Variants in COL18A1 observed in about 807,000 individuals in gnomAD.
COL18A1 encodes collagen type XVIII alpha 1 chain.
Under a neutral mutation model 168.0 loss-of-function variants are expected in COL18A1, and 133 were observed. The observed-to-expected ratio is 0.79, with a 90% CI of 0.69 to 0.91. The LOEUF (loss-of-function observed/expected upper bound fraction) is 0.91. COL18A1 is among the 40% of genes least tolerant of loss of function. The pLI is 0.00. For missense variants in COL18A1, 2,126 were observed against 1,925.4 expected, an observed-to-expected ratio of 1.10 and a Z score of -1.95; for synonymous variants, 949 against 809.0, an observed-to-expected ratio of 1.17 and a Z score of -2.94.
At chr21:45,510,006 G>A (rs901392802) in intron 39 of COL18A1, 58 bp from the exon 40 acceptor site, 7 of 1,523,212 alleles carry the variant, frequency 4.6e-6, no homozygotes, top group Non-Finnish European at 6.2e-6. Context: ...GTGCGCCCGG[G>A]GCCTGGGTGC....
At chr21:45,491,000 C>G in intron 21 of COL18A1, 129 bp downstream of exon 21, 9 of 979,736 alleles carry the variant, frequency 9.2e-6, no homozygotes, top group South Asian at 1.4e-5. Context: ...CAAAGACCCT[C>G]AAGTTGACAG....
intron 2 of COL18A1, among the ~76,000 whole-genome samples, chr21:45,426,640 C>T (rs2033812016): frequency 6.6e-6 from 1 of 152,230 alleles, no homozygotes; most frequent in Non-Finnish European, 1.5e-5. Context: ...CCAGGCCTGG[C>T]CGGGACAGCA....
At position 45,497,115 on chromosome 21, in the gene COL18A1, T is replaced by TGGGG. The variant is rs779851448; in HGVS notation, c.2620+24_2620+27dup. 7 of 1,506,524 alleles carry TGGGG rather than the reference T, an allele frequency of 4.6e-6. No homozygotes were observed. The Admixed American group carries it at 1.2e-4, about 25-fold the overall frequency. The allele number at this position is 1,506,524 out of a possible 1,614,324, so 93.3% of individuals were successfully genotyped here. On this transcript the variant is annotated intron_variant, in intron 31 of 41. Coordinates refer to ENST00000651438, the MANE Select transcript of COL18A1 (RefSeq NM_001379500.1). Reference sequence around the variant, plus strand: ...CAGGTGAGGGTCCTGGGCTCACAGCTGGGGACACAGGCTCTGAAGGGATGC... The same window carrying TGGGG: ...CAGGTGAGGGTCCTGGGCTCACAGCTGGGGGGGGACACAGGCTCTGAAGGGATGC...
chr21:45,437,364 A>G (rs868684367), intron 2 of COL18A1, among the ~76,000 whole-genome samples: 2 of 112,856 alleles, frequency 1.8e-5, no homozygotes, highest in Non-Finnish European at 3.4e-5. Context: ...CTGCGCACAC[A>G]CACACACTCA....
Position 45,468,480 on chromosome 21 carries a change from G to A in COL18A1, c.345G>A (p.Ala115=), listed in dbSNP as rs758681240. The A allele has an allele frequency of 1.1e-5, 18 of 1,613,866 alleles. No homozygotes were observed. Among genetic ancestry groups the A allele is most frequent in the South Asian group, 3.3e-5 (3 of 91,092 alleles). The part of the protein sequence containing the change: ...PGVLFAITDS[A]QAMVLLGVKL... ...TGCTGTTCGCCATCACGGACTCGGC[G>A]CAGGCCATGGTCTTGCTGGGCGTGA... is the stretch of plus-strand genomic sequence containing the variant. The change falls in exon 3 of 42, where the codon GCG becomes GCA. Residue 115 remains alanine (A), a synonymous_variant. Coordinates refer to ENST00000651438, the MANE Select transcript of COL18A1 (RefSeq NM_001379500.1).
rs1199563875 is a variant in COL18A1, at chr21:45,509,367, GGCC to G, written c.3265_3267del (p.Ala1089del). On this transcript the variant is annotated inframe_deletion, in exon 39 of 42. Coordinates refer to ENST00000651438, the MANE Select transcript of COL18A1 (RefSeq NM_001379500.1). ...TCTCCCACCTGCAGGACAATGAAGT[GGCC>G]GCCTTGCAGCCCCCCGTGGTGCAGC... 1 of 1,545,348 alleles carries G rather than the reference GGCC, an allele frequency of 6.5e-7. No homozygotes were observed. Among genetic ancestry groups the G allele is most frequent in the Non-Finnish European group, 8.7e-7 (1 of 1,146,686 alleles).
Position 45,468,397 on chromosome 21 carries a change from T to G in COL18A1, c.262T>G (p.Phe88Val). 1 of 1,614,006 alleles carries G rather than the reference T, an allele frequency of 6.2e-7. No homozygotes were observed. The highest frequency in any genetic ancestry group is 8.5e-7 in the Non-Finnish European group (1 of 1,180,024). ...QVARYHFPSL[F>V]FRDFSLLFHI... is the part of the protein sequence containing the mutation. Reference sequence around the variant, plus strand: ...GGCCCGGTACCACTTCCCCAGCCTCTTCTTCCGTGACTTCTCACTGCTGTT... The same window carrying G: ...GGCCCGGTACCACTTCCCCAGCCTCGTCTTCCGTGACTTCTCACTGCTGTT... The change falls in exon 3 of 42, where the codon TTC (phenylalanine) becomes GTC (valine). Residue 88 changes from phenylalanine to valine, a missense_variant. Physicochemically the swap from Phe to Val is conservative, Grantham distance 50 (BLOSUM62 -1). Transcript: ENST00000651438.
At chr21:45,433,574 C>T (rs932806429) in intron 2 of COL18A1, among the ~76,000 whole-genome samples, 2 of 152,192 alleles carry the variant, frequency 1.3e-5, no homozygotes, top group African/African-American at 4.8e-5. Context: ...GCTGTCGTGG[C>T]CCCTGTGAGC....
chr21:45,499,753 T>C (rs2036676486), intron 32 of COL18A1, among the ~76,000 whole-genome samples: 1 of 152,106 alleles, frequency 6.6e-6, no homozygotes, highest in South Asian at 2.1e-4. Flanking sequence ...AATGCAGAGC[T>C]AACACTGGTG....
chr21:45,483,007 G>A (rs1433370496), intron 15 of COL18A1, among the ~76,000 whole-genome samples, 186 bp downstream of exon 15: 2 of 152,228 alleles, frequency 1.3e-5, no homozygotes, highest in Admixed American at 6.5e-5. Context: ...CTGTCACTCT[G>A]GCGAGGTGGC....
intron 25 of COL18A1, 65 bp from the exon 26 acceptor site, chr21:45,493,436 G>C (rs2036428029): frequency 6.9e-7 from 1 of 1,456,598 alleles, no homozygotes; most frequent in African/African-American, 1.4e-5. Context: ...TGCCTTCGGG[G>C]CTCTGGGTGA....
intron 2 of COL18A1, among the ~76,000 whole-genome samples, chr21:45,432,286 TC>T (rs1315569596): frequency 5.3e-5 from 8 of 152,190 alleles, no homozygotes; most frequent in African/African-American, 1.9e-4. Flanking sequence ...GAGGCCACAT[TC>T]CAGGGTCTCA....
At position 45,512,213 on chromosome 21, in the gene COL18A1, T is replaced by G. The variant is rs200871316; in HGVS notation, c.3835T>G (p.Ser1279Ala). The change falls in exon 42 of 42, where the codon TCG (serine) becomes GCG (alanine). Residue 1279 changes from serine to alanine, a missense_variant. Ser to Ala is a moderately conservative substitution (Grantham distance 99). Coordinates refer to ENST00000651438, the MANE Select transcript of COL18A1 (RefSeq NM_001379500.1). ...TWPQKSVWHG[S>A]DPNGRRLTES... ...GCCCCAGAAGAGCGTGTGGCATGGC[T>G]CGGACCCCAACGGGCGCAGGCTGAC... 172 of 1,612,266 alleles carry G rather than the reference T, an allele frequency of 1.1e-4. No homozygotes were observed. The highest frequency in any genetic ancestry group is 7.6e-5 in the Non-Finnish European group (90 of 1,179,708).
At chr21:45,464,565 T>C (rs1459046051) in intron 2 of COL18A1, among the ~76,000 whole-genome samples, 2 of 152,158 alleles carry the variant, frequency 1.3e-5, no homozygotes, top group African/African-American at 4.8e-5. Flanking sequence ...CACAGCTGTC[T>C]TACCTTTCAG....
intron 2 of COL18A1, among the ~76,000 whole-genome samples, chr21:45,411,772 GGGGGCA>G (rs1023563063): frequency 3.7e-5 from 5 of 135,272 alleles, no homozygotes; most frequent in Admixed American, 7.3e-5. Flanking sequence ...GGGGTGGGGG[GGGGGCA>G]GGCTGTGGTC....
intron 38 of COL18A1, among the ~76,000 whole-genome samples, chr21:45,508,523 T>C (rs2037386928): frequency 6.6e-6 from 1 of 151,318 alleles, no homozygotes; most frequent in South Asian, 2.1e-4. Flanking sequence ...GGTTAGTGGA[T>C]GGGTGGGTGG....
chr21:45,432,644 C>T (rs373163605), intron 2 of COL18A1, among the ~76,000 whole-genome samples: 21 of 152,238 alleles, frequency 1.4e-4, no homozygotes, highest in African/African-American at 4.6e-4. Context: ...GGTCAGAGCG[C>T]GGCAGGACAA....
At chr21:45,422,723 G>A (rs548619911) in intron 2 of COL18A1, 97 of 287,136 alleles carry the variant, frequency 3.4e-4, no homozygotes, top group Non-Finnish European at 5.9e-4. Flanking sequence ...GGGGCTGTGG[G>A]CCTCCTGGGT....
chr21:45,484,218 T>A (rs892922788), intron 15 of COL18A1, among the ~76,000 whole-genome samples: 1 of 112,826 alleles, frequency 8.9e-6, no homozygotes, highest in Admixed American at 9.3e-5. Context: ...GGCACACACA[T>A]CTCCAGCATA....
Sources: allele counts gnomAD v4.1 joint callset (sites outside exome capture counted in the v4.1 genomes callset), GRCh38; gene constraint gnomAD v4.1.1; transcripts MANE v1.5; gene names NCBI Gene and HGNC (gene_info 2026-07-23, HGNC 2026-07-21).